SGMS2: variants seen among roughly 807,000 people sequenced by gnomAD.
The protein encoded by SGMS2 is phosphatidylcholine:ceramide cholinephosphotransferase 2.
In SGMS2, 21 loss-of-function variants were observed where a neutral mutation model predicts 43.8. That is an observed-to-expected ratio of 0.48 (90% CI 0.34 to 0.69). SGMS2 has a LOEUF of 0.69. SGMS2 is among the 30% of genes least tolerant of loss of function. The pLI is 0.01. For missense variants in SGMS2, 384 were observed against 443.2 expected (o/e 0.87, Z 1.20); for synonymous variants, 167 against 160.6 (o/e 1.04, Z -0.30).
intron 2 of SGMS2, among the ~76,000 whole-genome samples, chr4:107,887,597 G>T (rs1019089876): frequency 4.6e-5 from 7 of 152,086 alleles, no homozygotes; most frequent in African/African-American, 1.7e-4. Context: ...TATCTTAAAG[G>T]ATTAATTAGG....
At chr4:107,862,357 A>T (rs1012485794) in intron 2 of SGMS2, among the ~76,000 whole-genome samples, 11 of 152,190 alleles carry the variant, frequency 7.2e-5, no homozygotes, top group African/African-American at 2.7e-4. Flanking sequence ...TTGGAGGGTG[A>T]ACCTCCTTGA....
At chr4:107,850,658 CCT>C (rs1188543826) in intron 1 of SGMS2, among the ~76,000 whole-genome samples, 4 of 152,160 alleles carry the variant, frequency 2.6e-5, no homozygotes, top group African/African-American at 9.7e-5. Flanking sequence ...TCCTATAGTA[CCT>C]GAGGTGTAGC....
intron 1 of SGMS2, among the ~76,000 whole-genome samples, chr4:107,847,604 T>G (rs1005737335): frequency 3.9e-5 from 6 of 152,284 alleles, no homozygotes; most frequent in Admixed American, 3.9e-4. Flanking sequence ...CGGGCTGTTT[T>G]TTGGTTCCAT....
At chr4:107,879,314 G>C (rs2126077410) in intron 2 of SGMS2, among the ~76,000 whole-genome samples, 1 of 152,158 alleles carries the variant, frequency 6.6e-6, no homozygotes, top group South Asian at 2.1e-4. Flanking sequence ...AGAAAATTTA[G>C]AAATGTGTGT....
At chr4:107,863,694 G>C (rs1437020214) in intron 2 of SGMS2, 2 of 152,166 alleles carry the variant, frequency 1.3e-5, no homozygotes, top group Non-Finnish European at 1.5e-5. Flanking sequence ...TCTGAAGCTA[G>C]ATATGGGTTT....
chr4:107,898,898 T>C (rs1443723354), intron 3 of SGMS2, among the ~76,000 whole-genome samples: 1 of 152,208 alleles, frequency 6.6e-6, no homozygotes, highest in East Asian at 1.9e-4. Context: ...TTGATCAAGA[T>C]TGAATGAAAT....
chr4:107,855,953 T>C (rs1727403353), intron 1 of SGMS2, among the ~76,000 whole-genome samples: 1 of 152,184 alleles, frequency 6.6e-6, no homozygotes, highest in South Asian at 2.1e-4. Context: ...GCCATAATAC[T>C]TAATCGTGGA....
At chr4:107,840,820 T>C (rs1324758652) in intron 1 of SGMS2, among the ~76,000 whole-genome samples, 2 of 152,206 alleles carry the variant, frequency 1.3e-5, no homozygotes, top group African/African-American at 4.8e-5. Context: ...AGTGAATTAC[T>C]AGTATTGGAG....
chr4:107,827,363 T>C (rs1215007237), intron 1 of SGMS2, among the ~76,000 whole-genome samples: 2 of 152,182 alleles, frequency 1.3e-5, no homozygotes, highest in Non-Finnish European at 1.5e-5. Context: ...CCCCAAAGCT[T>C]ATAGTCCAGT....
intron 5 of SGMS2, among the ~76,000 whole-genome samples, chr4:107,905,151 A>T (rs1731448430): frequency 6.6e-6 from 1 of 152,240 alleles, no homozygotes. Flanking sequence ...TAATTTATAA[A>T]GAAAAAGTGG....
intron 2 of SGMS2, among the ~76,000 whole-genome samples, chr4:107,881,623 T>C (rs572330754): frequency 6.6e-6 from 1 of 152,338 alleles, no homozygotes; most frequent in South Asian, 2.1e-4. Context: ...ATTTCAGTTA[T>C]AATTTTAGTG....
At chr4:107,829,728 T>G (rs1387773670) in intron 1 of SGMS2, among the ~76,000 whole-genome samples, 1 of 152,136 alleles carries the variant, frequency 6.6e-6, no homozygotes, top group Non-Finnish European at 1.5e-5. Context: ...CATTTACTAT[T>G]TATATTATTA....
intron 1 of SGMS2, among the ~76,000 whole-genome samples, chr4:107,838,666 T>G (rs1008565192): frequency 2.0e-5 from 3 of 152,182 alleles, no homozygotes; most frequent in Non-Finnish European, 2.9e-5. Context: ...TTTCTGTTTA[T>G]ATTGTATTTC....
At chr4:107,858,178 G>A (rs376137076) in intron 1 of SGMS2, among the ~76,000 whole-genome samples, 15 of 152,308 alleles carry the variant, frequency 9.8e-5, no homozygotes, top group South Asian at 8.3e-4. Context: ...GTGTTAGAAC[G>A]CGAACATCAG....
chr4:107,855,171 A>G (rs1169234403), intron 1 of SGMS2, among the ~76,000 whole-genome samples: 1 of 152,074 alleles, frequency 6.6e-6, no homozygotes, highest in Non-Finnish European at 1.5e-5. Context: ...CTTTATTAGT[A>G]TTAACTCCTT....
rs760627062 is a variant in SGMS2 at position 107,903,398 on chromosome 4, C to A, written c.727+12C>A. The A allele has an allele frequency of 1.9e-6, 3 of 1,613,038 alleles. No individual in the cohort carries two copies. The highest frequency in any genetic ancestry group is 1.1e-5 in the South Asian group (1 of 91,032). On this transcript the variant is annotated intron_variant, in intron 5 of 6. Coordinates refer to ENST00000690982, the MANE Select transcript of SGMS2 (RefSeq NM_001375905.1). ...GTTCATCAAAGAATGTAAGTAATAGCCCATTCCCACTGAACTGATAGCTGT... is the reference window on the plus strand; with the variant it reads ...GTTCATCAAAGAATGTAAGTAATAGACCATTCCCACTGAACTGATAGCTGT...
At chr4:107,870,426 A>G (rs1728480147) in intron 2 of SGMS2, among the ~76,000 whole-genome samples, 1 of 152,162 alleles carries the variant, frequency 6.6e-6, no homozygotes, top group Non-Finnish European at 1.5e-5. Context: ...GTGATAAGAA[A>G]TGGAAGAGGA....
At chr4:107,826,654 T>G (rs1725609585) in intron 1 of SGMS2, among the ~76,000 whole-genome samples, 1 of 114,124 alleles carries the variant, frequency 8.8e-6, no homozygotes, top group African/African-American at 4.0e-5. Flanking sequence ...GGTTGAAGTG[T>G]TTTTTTTTTT....
At chr4:107,904,834 C>T (rs1315029745) in intron 5 of SGMS2, among the ~76,000 whole-genome samples, 1 of 152,100 alleles carries the variant, frequency 6.6e-6, no homozygotes, top group African/African-American at 2.4e-5. Context: ...GGTTCTAACT[C>T]TAATTTTCCC....
Sources: gnomAD v4.1 joint callset for allele counts (sites outside exome capture counted in the v4.1 genomes callset) on GRCh38, gnomAD v4.1.1 for gene constraint, MANE v1.5 for transcripts, NCBI Gene and HGNC (gene_info 2026-07-23, HGNC 2026-07-21) for gene names.